The following VCPKMT variants were observed in gnomAD, a reference collection of about 807,000 sequenced individuals.
The protein encoded by VCPKMT is protein N-lysine methyltransferase METTL21D.
Under a neutral mutation model 28.6 loss-of-function variants are expected in VCPKMT, and 32 were observed. The ratio of observed to expected loss-of-function variants is 1.12; its 90% CI spans 0.84 to 1.50. The LOEUF (loss-of-function observed/expected upper bound fraction) is 1.50, where lower values mean the gene tolerates loss of function less well. Among genes scored for constraint, VCPKMT ranks in the 40% most tolerant of loss-of-function variants. The pLI, the probability that VCPKMT is intolerant of heterozygous loss-of-function variation, is 0.00. For missense variants in VCPKMT, 366 were observed against 285.0 expected (o/e 1.28, Z -2.05); for synonymous variants, 138 against 111.4 (o/e 1.24, Z -1.50).
In VCPKMT at chr14:50,116,083, G is replaced by C; in HGVS notation, c.363C>G (p.Ala121=). 1 of 1,612,764 alleles carries C rather than the reference G, an allele frequency of 6.2e-7. No homozygotes were observed. The highest frequency in any genetic ancestry group is 2.2e-5 in the East Asian group (1 of 44,884). ...GCCATACAAACCATTTCAGTACCTT[G>C]GCTTGAACAGAACCAGTGACAAGAT... The part of the protein sequence containing the change: ...NKHLVTGSVQ[A]KVLKWGEEIE... Residue 121 remains alanine, a synonymous_variant, in exon 2 of 6, where the codon GCC becomes GCG. Coordinates refer to ENST00000395860, the MANE Select transcript of VCPKMT (RefSeq NM_024558.3).
chr14:50,109,324 T>G lies in VCPKMT; in HGVS notation c.*375A>C. The G allele has an allele frequency of 2.0e-6, 2 of 1,016,162 alleles. No homozygotes were observed. The highest frequency in any genetic ancestry group is 2.4e-6 in the Non-Finnish European group (2 of 850,828). The allele number at this position is 1,016,162 out of a possible 1,614,324, so 62.9% of individuals were successfully genotyped here. A position where few individuals can be genotyped will look rare whatever the true frequency, so the allele number is the denominator to read the frequency against. On this transcript the variant is annotated 3_prime_UTR_variant, in exon 6 of 6. Transcript: ENST00000395860. ...TAAAACATTATTATATAATAGCAGA[T>G]AGTTCTCTTCAGAAATTTATCTCTA...
chr14:50,115,989 C>T (rs1883151141), intron 2 of VCPKMT, 78 bp from the exon 3 acceptor site: 8 of 1,593,946 alleles, frequency 5.0e-6, no homozygotes, highest in Non-Finnish European at 6.9e-6. Context: ...CGGAAAGTCC[C>T]CTTCCATCCT....
At chr14:50,104,455 C>T (rs949382428), downstream of VCPKMT, among the ~76,000 whole-genome samples, 5 of 152,126 alleles carry the variant, frequency 3.3e-5, no homozygotes, top group Non-Finnish European at 7.4e-5. Flanking sequence ...AGTAAGATAT[C>T]GTTGCAACAG....
At position 50,115,882 on chromosome 14, in the gene VCPKMT, G is replaced by A. The variant is rs774435269; in HGVS notation, c.407C>T (p.Pro136Leu). 54 of 1,613,338 alleles carry A rather than the reference G, an allele frequency of 3.3e-5. 1 individual carries two copies. In the South Asian group the frequency reaches 5.9e-4, roughly 18 times the overall value. ...WGEEIEGFPS[P>L]PDFILMADCI... ...GTCGGCCATCAGTATGAAGTCGGGT[G>A]GAGAAGGAAAGCCTTCTATTTCTTC... Residue 136 changes from proline (P) to leucine (L), a missense_variant, in exon 3 of 6, where the codon CCA becomes CTA. Physicochemically the swap from Pro to Leu is moderately conservative, Grantham distance 98. Coordinates refer to ENST00000395860, the MANE Select transcript of VCPKMT (RefSeq NM_024558.3).
At position 50,108,804 on chromosome 14, in the gene VCPKMT, C is replaced by T; in HGVS notation, c.*895G>A. On this transcript the variant is annotated 3_prime_UTR_variant, in exon 6 of 6. Coordinates refer to ENST00000395860, the MANE Select transcript of VCPKMT (RefSeq NM_024558.3). ...CTTCATAACATAAAACAGAGAGACA[C>T]AGAACAGAAATTCATTTGGTATATA... 1 of 985,510 alleles carries T rather than the reference C, an allele frequency of 1.0e-6. No individual in the cohort carries two copies. Among genetic ancestry groups the T allele is most frequent in the Non-Finnish European group, 1.2e-6 (1 of 829,916 alleles). The allele number at this position is 985,510 out of a possible 1,614,324, so 61.0% of individuals were successfully genotyped here.
At chr14:50,104,981 A>C (rs940143085), downstream of VCPKMT, among the ~76,000 whole-genome samples, 4 of 152,172 alleles carry the variant, frequency 2.6e-5, no homozygotes, top group Non-Finnish European at 5.9e-5. Context: ...ACAAGAAAAA[A>C]ACTTGTTTTA....
downstream of VCPKMT, among the ~76,000 whole-genome samples, chr14:50,104,615 T>C (rs543722152): frequency 1.9e-4 from 29 of 151,576 alleles, no homozygotes; most frequent in Admixed American, 1.4e-3. Flanking sequence ...GTCAAATACC[T>C]GGCCTGTGCC....
intron 5 of VCPKMT, chr14:50,110,961 T>C (rs1882610049): frequency 1.2e-5 from 2 of 164,540 alleles, no homozygotes; most frequent in South Asian, 2.0e-4. Flanking sequence ...GGCAAATCCA[T>C]AGAGATTAGT....
chr14:50,104,072 C>T (rs1882242327), downstream of VCPKMT, among the ~76,000 whole-genome samples: 1 of 152,220 alleles, frequency 6.6e-6, no homozygotes, highest in African/African-American at 2.4e-5. Context: ...CAAGGTCACA[C>T]AGCTAGTAAG....
downstream of VCPKMT, among the ~76,000 whole-genome samples, chr14:50,104,124 G>GAAAA (rs1286521406): frequency 3.9e-5 from 6 of 152,188 alleles, no homozygotes; most frequent in African/African-American, 1.4e-4. Flanking sequence ...TGGTCTCAGA[G>GAAAA]CCTCTGTGCT....
intron 4 of VCPKMT, among the ~76,000 whole-genome samples, chr14:50,112,925 T>C (rs1427977841): frequency 1.3e-5 from 2 of 152,106 alleles, no homozygotes; most frequent in Non-Finnish European, 2.9e-5. Context: ...GTAGCTGGGA[T>C]TACAGGCAAA....
chr14:50,108,733 A>C lies in VCPKMT; in HGVS notation c.*966T>G, dbSNP rs1292665481. On this transcript the variant is annotated 3_prime_UTR_variant, in exon 6 of 6. Coordinates refer to ENST00000395860, the MANE Select transcript of VCPKMT (RefSeq NM_024558.3). ...CCATCCGGTTACTACTCTTTGGAAC[A>C]AGTATGATTAAAGTCCTTGACAGAT... The C allele has an allele frequency of 2.0e-6, 2 of 985,770 alleles. No individual in the cohort carries two copies. Among genetic ancestry groups the C allele is most frequent in the Non-Finnish European group, 2.4e-6 (2 of 829,946 alleles). 61.1% of individuals were successfully genotyped at this position (985,770 alleles called of 1,614,324 possible).
downstream of VCPKMT, among the ~76,000 whole-genome samples, chr14:50,104,274 G>A (rs563577202): frequency 2.0e-5 from 3 of 152,234 alleles, no homozygotes; most frequent in South Asian, 6.2e-4. Context: ...ACAGTTGATA[G>A]GGACTCACTA....
chr14:50,111,260 A>G (rs1882637241), intron 5 of VCPKMT: 1 of 984,834 alleles, frequency 1.0e-6, no homozygotes, highest in Non-Finnish European at 1.2e-6. Flanking sequence ...TTAAAACTGC[A>G]CAACAGCTTC....
chr14:50,104,844 T>C (rs1302081378), downstream of VCPKMT, among the ~76,000 whole-genome samples: 1 of 152,250 alleles, frequency 6.6e-6, no homozygotes, highest in Admixed American at 6.5e-5. Context: ...CTTAAATATC[T>C]GTCTTCTTTT....
chr14:50,116,355 C>G lies in VCPKMT; in HGVS notation c.198G>C (p.Leu66=). Residue 66 remains leucine (L), a synonymous_variant, in exon 1 of 6, where the codon CTG becomes CTC. Transcript: ENST00000395860. ...PEFSGDGAHA[L]SRRSVLELGS... ...CCAGCTCCAGCACCGACCGCCGGCT[C>G]AGCGCGTGGGCCCCGTCGCCAGAAA... The G allele has an allele frequency of 6.2e-7, 1 of 1,612,798 alleles. No individual in the cohort carries two copies. The highest frequency in any genetic ancestry group is 8.5e-7 in the Non-Finnish European group (1 of 1,179,466).
At chr14:50,111,901 G>C (rs1222592224) in intron 5 of VCPKMT, 1 of 983,792 alleles carries the variant, frequency 1.0e-6, no homozygotes, top group African/African-American at 1.8e-5. Flanking sequence ...AAAAAAAAAA[G>C]GATGAAGTAC....
chr14:50,111,822 G>C (rs1882681033), intron 5 of VCPKMT: 2 of 831,216 alleles, frequency 2.4e-6, no homozygotes, highest in Non-Finnish European at 2.9e-6. Context: ...CTGCAAGGCA[G>C]AGGCTGCAGC....
At position 50,116,187 on chromosome 14, in the gene VCPKMT, A is replaced by T; in HGVS notation, c.267-8T>A. On this transcript the variant is annotated splice_region_variant and splice_polypyrimidine_tract_variant and intron_variant, in intron 1 of 5. Coordinates refer to ENST00000395860, the MANE Select transcript of VCPKMT (RefSeq NM_024558.3). ...GTGACTACAACATCAGCCCTATAAAATAACGTCGACTGAGGTGTAGGCACA... is the reference window on the plus strand; with the variant it reads ...GTGACTACAACATCAGCCCTATAAATTAACGTCGACTGAGGTGTAGGCACA... The T allele has an allele frequency of 1.2e-6, 2 of 1,614,072 alleles. No individual in the cohort carries two copies. The highest frequency in any genetic ancestry group is 1.7e-6 in the Non-Finnish European group (2 of 1,180,018).
Sources: gnomAD v4.1 joint callset for allele counts (sites outside exome capture counted in the v4.1 genomes callset) on GRCh38, gnomAD v4.1.1 for gene constraint, MANE v1.5 for transcripts, NCBI Gene and HGNC (gene_info 2026-07-23, HGNC 2026-07-21) for gene names.